The following DNAJC24 variants were observed in gnomAD, a reference collection of about 807,000 sequenced individuals.
The protein encoded by DNAJC24 is DnaJ heat shock protein family (Hsp40) member C24, also known as dnaJ homolog subfamily C member 24.
Under a neutral mutation model 18.0 loss-of-function variants are expected in DNAJC24, and 17 were observed. That is an observed-to-expected ratio of 0.94 (90% CI 0.65 to 1.42). DNAJC24 has a LOEUF of 1.42. Ranked by LOEUF, DNAJC24 falls within the 40% of genes most tolerant of loss-of-function variation. DNAJC24 has a pLI of 0.00. For missense variants in DNAJC24, 158 were observed against 175.6 expected (o/e 0.90, Z 0.57); for synonymous variants, 55 against 57.7 (o/e 0.95, Z 0.21).
At chr11:31,398,460 A>G (rs929404673) in intron 2 of DNAJC24, among the ~76,000 whole-genome samples, 5 of 152,210 alleles carry the variant, frequency 3.3e-5, no homozygotes, top group African/African-American at 4.8e-5. Flanking sequence ...AAGTTAAATC[A>G]GTTGAAGTTT....
intron 4 of DNAJC24, chr11:31,429,592 C>T (rs561960848): frequency 1.5e-4 from 53 of 343,918 alleles, no homozygotes; most frequent in Non-Finnish European, 2.6e-4. Flanking sequence ...AAAATTTCCA[C>T]GATCAGGAGC....
At chr11:31,395,431 G>T (rs1252613241) in intron 2 of DNAJC24, among the ~76,000 whole-genome samples, 1 of 152,062 alleles carries the variant, frequency 6.6e-6, no homozygotes, top group Non-Finnish European at 1.5e-5. Context: ...ATTGCTGGTC[G>T]AATGGTAGTT....
intron 2 of DNAJC24, among the ~76,000 whole-genome samples, chr11:31,379,326 G>T (rs980129410): frequency 6.6e-6 from 1 of 152,224 alleles, no homozygotes; most frequent in South Asian, 2.1e-4. Context: ...GATGTAGGTC[G>T]CACATTCCTT....
At chr11:31,413,389 GGT>G (rs1374675674) in intron 2 of DNAJC24, among the ~76,000 whole-genome samples, 28 of 140,988 alleles carry the variant, frequency 2.0e-4, no homozygotes, top group African/African-American at 7.0e-4. Context: ...GGAGTGCAGT[GGT>G]GCAATCTCAG....
chr11:31,414,355 A>G (rs1410551420), intron 2 of DNAJC24, among the ~76,000 whole-genome samples: 1 of 152,214 alleles, frequency 6.6e-6, no homozygotes, highest in Non-Finnish European at 1.5e-5. Flanking sequence ...ATTTAAAATT[A>G]CGATTGTATA....
chr11:31,398,254 C>CTT (rs1952563292), intron 2 of DNAJC24, among the ~76,000 whole-genome samples: 1 of 150,704 alleles, frequency 6.6e-6, no homozygotes, highest in Admixed American at 6.6e-5. Flanking sequence ...GGTCACCTAT[C>CTT]TTGTTTATTG....
intron 2 of DNAJC24, among the ~76,000 whole-genome samples, chr11:31,386,948 G>T (rs1343663177): frequency 6.6e-6 from 1 of 152,138 alleles, no homozygotes; most frequent in African/African-American, 2.4e-5. Context: ...GAACATCAGT[G>T]GTAGCCAGGC....
intron 3 of DNAJC24, among the ~76,000 whole-genome samples, chr11:31,420,782 A>G (rs746421632): frequency 2.0e-5 from 3 of 152,160 alleles, no homozygotes; most frequent in Admixed American, 2.0e-4. Context: ...TTTCTCAATC[A>G]CTATTTTGTA....
intron 3 of DNAJC24, among the ~76,000 whole-genome samples, chr11:31,418,501 C>G (rs1269101298): frequency 1.3e-5 from 2 of 152,070 alleles, no homozygotes; most frequent in African/African-American, 4.8e-5. Flanking sequence ...TACAGTGACA[C>G]AGCTTATGAG....
At chr11:31,401,457 C>G (rs1008274806) in intron 2 of DNAJC24, among the ~76,000 whole-genome samples, 2 of 151,822 alleles carry the variant, frequency 1.3e-5, no homozygotes, top group Non-Finnish European at 2.9e-5. Flanking sequence ...CCCCTTCTCC[C>G]GCTGTCTCCT....
intron 3 of DNAJC24, among the ~76,000 whole-genome samples, chr11:31,423,936 G>T (rs758396354): frequency 7.9e-5 from 12 of 152,110 alleles, no homozygotes; most frequent in Non-Finnish European, 1.6e-4. Context: ...CTACTCTAAA[G>T]TTCCTCTGCA....
At chr11:31,426,194 G>T in intron 3 of DNAJC24, 93 bp from the exon 4 acceptor site, 1 of 758,086 alleles carries the variant, frequency 1.3e-6, no homozygotes, top group Non-Finnish European at 2.2e-6. Flanking sequence ...TAGAATTGTA[G>T]TGGCCAGGCT....
chr11:31,408,355 T>A (rs925078279), intron 2 of DNAJC24: 21 of 369,558 alleles, frequency 5.7e-5, no homozygotes, highest in South Asian at 2.9e-4. Flanking sequence ...TTGATATTTG[T>A]AACAAGCTCT....
At chr11:31,377,714 C>T (rs1952332080) in intron 2 of DNAJC24, among the ~76,000 whole-genome samples, 1 of 152,028 alleles carries the variant, frequency 6.6e-6, no homozygotes, top group Non-Finnish European at 1.5e-5. Context: ...TAAGAGAAAG[C>T]TTCATCTCAA....
In DNAJC24 at chr11:31,389,202, C is replaced by T. The variant is rs141249375; in HGVS notation, c.111+18343C>T. On this transcript the variant is annotated intron_variant, in intron 2 of 4. Transcript: ENST00000465995. ...TGTAAATGGACTAAACTCTCCAAAA[C>T]GAAATACTGGCTGAATGAATTAGAA... 3.2e-3 allele frequency among the ~76,000 whole-genome samples: 494 copies of T among 152,062 alleles called. 1 individual carries two copies. Among genetic ancestry groups the T allele is most frequent in the African/African-American group, 0.011 (461 of 41,506 alleles).
chr11:31,414,315 G>A (rs1231862209), intron 2 of DNAJC24, among the ~76,000 whole-genome samples: 2 of 152,102 alleles, frequency 1.3e-5, no homozygotes, highest in Non-Finnish European at 1.5e-5. Context: ...GAAGATGAAA[G>A]TTGTCATGTT....
intron 2 of DNAJC24, among the ~76,000 whole-genome samples, chr11:31,404,865 G>T (rs891032160): frequency 6.6e-6 from 1 of 151,514 alleles, no homozygotes; most frequent in Non-Finnish European, 1.5e-5. Flanking sequence ...GACAGTACTT[G>T]AGTGGGACCT....
In DNAJC24 at chr11:31,414,956, G is replaced by T. The variant is rs770285026; in HGVS notation, c.250+7G>T. 6.8e-6 allele frequency: 11 copies of T among 1,611,774 alleles called. No individual in the cohort carries two copies. Among genetic ancestry groups the T allele is most frequent in the Non-Finnish European group, 9.3e-6 (11 of 1,179,224 alleles). ...TATGACCTGCAGCGGTGTGGTAGGT[G>T]CTTGTGTTGAGGAGCCACAGCACAT... On this transcript the variant is annotated splice_region_variant and intron_variant, in intron 3 of 4. Transcript: ENST00000465995.
intron 2 of DNAJC24, among the ~76,000 whole-genome samples, chr11:31,405,079 T>G (rs1164925705): frequency 2.7e-5 from 4 of 150,300 alleles, no homozygotes; most frequent in Non-Finnish European, 5.9e-5. Context: ...TTTTTTGTTT[T>G]TTTTTTTTTT....
Sources: allele counts gnomAD v4.1 joint callset (sites outside exome capture counted in the v4.1 genomes callset), GRCh38; gene constraint gnomAD v4.1.1; transcripts MANE v1.5; gene names NCBI Gene and HGNC (gene_info 2026-07-23, HGNC 2026-07-21).